Variants in DPP10 observed in about 807,000 individuals in gnomAD.
The protein encoded by DPP10 is dipeptidyl peptidase like 10, also known as inactive dipeptidyl peptidase 10.
DPP10 carries 33 observed loss-of-function variants against 120.9 expected under a neutral mutation model. The observed-to-expected ratio is 0.27, with a 90% CI of 0.21 to 0.37. The LOEUF is 0.37. Ranked by LOEUF, DPP10 falls within the 10% of genes least tolerant of loss-of-function variation. DPP10 has a pLI of 1.00. For synonymous variants in DPP10, 337 were observed against 326.1 expected, an observed-to-expected ratio of 1.03 and a Z score of -0.36; for missense variants, 816 against 942.8, an observed-to-expected ratio of 0.87 and a Z score of 1.76.
intron 1 of DPP10, among the ~76,000 whole-genome samples, chr2:114,955,946 A>C (rs1698170641): frequency 6.6e-6 from 1 of 152,216 alleles, no homozygotes. Flanking sequence ...AATGTACCTC[A>C]ACATGATAAA....
intron 5 of DPP10, among the ~76,000 whole-genome samples, chr2:115,569,448 AATTTAT>A (rs1310820016): frequency 6.6e-6 from 1 of 152,246 alleles, no homozygotes; most frequent in Non-Finnish European, 1.5e-5. Context: ...CTTGAAAATT[AATTTAT>A]ATTTAATTTG....
At chr2:115,382,542 G>A (rs537329440) in intron 3 of DPP10, among the ~76,000 whole-genome samples, 2 of 152,316 alleles carry the variant, frequency 1.3e-5, no homozygotes, top group South Asian at 2.1e-4. Flanking sequence ...CCTGGGAGCT[G>A]TAGACTGGAG....
intron 3 of DPP10, among the ~76,000 whole-genome samples, chr2:115,367,433 G>A (rs973898255): frequency 2.6e-5 from 4 of 151,956 alleles, no homozygotes; most frequent in African/African-American, 9.7e-5. Flanking sequence ...AACTATATAT[G>A]TCTTTATTAA....
At chr2:115,364,589 T>A (rs952154395) in intron 3 of DPP10, among the ~76,000 whole-genome samples, 1 of 152,030 alleles carries the variant, frequency 6.6e-6, no homozygotes, top group Non-Finnish European at 1.5e-5. Flanking sequence ...CATCAGTCAG[T>A]TCTTCTGTAT....
chr2:115,405,403 T>G (rs2104525964), intron 3 of DPP10, among the ~76,000 whole-genome samples: 1 of 152,292 alleles, frequency 6.6e-6, no homozygotes, highest in South Asian at 2.1e-4. Flanking sequence ...CTTTGCTGGG[T>G]GTAGCCCGTG....
chr2:115,324,151 C>T (rs1374155520), intron 2 of DPP10, among the ~76,000 whole-genome samples: 1 of 152,136 alleles, frequency 6.6e-6, no homozygotes, highest in East Asian at 1.9e-4. Context: ...TGTCACGTGC[C>T]TATAGTCCCA....
chr2:114,864,436 A>T (rs1690063089), intron 1 of DPP10, among the ~76,000 whole-genome samples: 1 of 152,220 alleles, frequency 6.6e-6, no homozygotes, highest in Admixed American at 6.5e-5. Context: ...GTGTTATTAA[A>T]GGAAATAGGG....
At chr2:115,790,375 G>A (rs1286061273) in intron 17 of DPP10, among the ~76,000 whole-genome samples, 6 of 152,138 alleles carry the variant, frequency 3.9e-5, no homozygotes, top group Non-Finnish European at 7.3e-5. Context: ...CACCGCGCCC[G>A]GCCTAGAAGG....
intron 2 of DPP10, among the ~76,000 whole-genome samples, chr2:115,327,906 A>G (rs1267897354): frequency 1.3e-5 from 2 of 152,062 alleles, no homozygotes; most frequent in Non-Finnish European, 2.9e-5. Flanking sequence ...CGACTTATGA[A>G]AGGGTGCCTG....
chr2:115,501,297 C>T (rs2076670501), intron 4 of DPP10, among the ~76,000 whole-genome samples: 1 of 151,944 alleles, frequency 6.6e-6, no homozygotes, highest in African/African-American at 2.4e-5. Context: ...TTTTTATCTT[C>T]CATGATACAT....
chr2:114,480,053 T>C (rs549581423), intron 1 of DPP10, among the ~76,000 whole-genome samples: 1 of 152,308 alleles, frequency 6.6e-6, no homozygotes, highest in East Asian at 1.9e-4. Flanking sequence ...GGGCGAAGGA[T>C]ATGAACAGAC....
At chr2:115,313,114 T>C (rs6706174) in intron 2 of DPP10, among the ~76,000 whole-genome samples, 8,635 of 152,116 alleles carry the variant, frequency 0.057, 341 homozygotes, top group Middle Eastern at 0.099. Flanking sequence ...TCCCAGCTAC[T>C]CGGGAGGCTG....
intron 1 of DPP10, among the ~76,000 whole-genome samples, chr2:114,506,488 T>C (rs183802189): frequency 6.6e-6 from 1 of 152,286 alleles, no homozygotes; most frequent in Non-Finnish European, 1.5e-5. Flanking sequence ...TACAAAAGGC[T>C]GTCACACTGA....
chr2:115,679,806 G>A (rs2090524405), intron 5 of DPP10, among the ~76,000 whole-genome samples: 1 of 152,076 alleles, frequency 6.6e-6, no homozygotes, highest in Non-Finnish European at 1.5e-5. Context: ...GCTCACAGAA[G>A]TAAAGAGAAG....
intron 12 of DPP10, among the ~76,000 whole-genome samples, chr2:115,765,311 C>T (rs891833782): frequency 1.6e-4 from 25 of 152,094 alleles, no homozygotes; most frequent in African/African-American, 3.6e-4. Context: ...AAAGGGAGAA[C>T]GGTAAGGGAG....
chr2:114,941,926 A>G (rs1323013448), intron 1 of DPP10, among the ~76,000 whole-genome samples: 1 of 152,150 alleles, frequency 6.6e-6, no homozygotes, highest in East Asian at 1.9e-4. Context: ...TATGGAGACT[A>G]TGATAAATGT....
At chr2:114,477,627 A>T (rs1217774825) in intron 1 of DPP10, among the ~76,000 whole-genome samples, 1 of 151,302 alleles carries the variant, frequency 6.6e-6, no homozygotes, top group Non-Finnish European at 1.5e-5. Context: ...CTCTACTAAA[A>T]ATACAAAAAT....
At chr2:114,519,865 T>C (rs144554094) in intron 1 of DPP10, among the ~76,000 whole-genome samples, 2,102 of 152,362 alleles carry the variant, frequency 0.014, 170 homozygotes, top group Admixed American at 0.13. Context: ...CTACAAAATA[T>C]ACCCTTACTC....
intron 1 of DPP10, among the ~76,000 whole-genome samples, chr2:114,696,830 G>A (rs1188748740): frequency 6.6e-6 from 1 of 151,588 alleles, no homozygotes; most frequent in Non-Finnish European, 1.5e-5. Flanking sequence ...ATGGTATCAT[G>A]GTCGAAGAAT....
Sources: allele counts gnomAD v4.1 joint callset (sites outside exome capture counted in the v4.1 genomes callset), GRCh38; gene constraint gnomAD v4.1.1; transcripts MANE v1.5; gene names NCBI Gene and HGNC (gene_info 2026-07-23, HGNC 2026-07-21).